The following FTO variants were observed in gnomAD, a reference collection of about 807,000 sequenced individuals.
FTO encodes alpha-ketoglutarate-dependent dioxygenase FTO.
A neutral mutation model predicts 63.9 loss-of-function variants in FTO; 47 were observed. That is an observed-to-expected ratio of 0.74 (90% CI 0.58 to 0.94). The LOEUF is 0.94. Ranked by LOEUF, FTO falls within the 40% of genes least tolerant of loss-of-function variation. The pLI is 0.00. For missense variants in FTO, 562 were observed against 618.1 expected, an observed-to-expected ratio of 0.91 and a Z score of 0.96; for synonymous variants, 207 against 224.4, an observed-to-expected ratio of 0.92 and a Z score of 0.69.
rs915043892 is a variant in FTO, at chr16:54,119,516, A to C, written c.*7601A>C. 6.6e-6 allele frequency: 1 copy of C among 152,036 alleles called. No homozygotes were observed. The allele number at this position is 152,036 out of a possible 1,614,324, so 9.4% of individuals were successfully genotyped here. A position where few individuals can be genotyped will look rare whatever the true frequency, so the allele number is the denominator to read the frequency against. ...GTCAGGAGAGAAGCAAACCAGGTAT[A>C]TAGGATTCCATTATCCTTCCCTCCT... On this transcript the variant is annotated 3_prime_UTR_variant, in exon 9 of 9. Coordinates refer to ENST00000471389, the MANE Select transcript of FTO (RefSeq NM_001080432.3).
At chr16:53,953,465 T>G (rs1208244147) in intron 8 of FTO, among the ~76,000 whole-genome samples, 1 of 152,224 alleles carries the variant, frequency 6.6e-6, no homozygotes, top group African/African-American at 2.4e-5. Context: ...TCAGTCTAAA[T>G]CTGATACAGG....
At chr16:53,869,607 C>T (rs531199794) in intron 4 of FTO, among the ~76,000 whole-genome samples, 7 of 144,166 alleles carry the variant, frequency 4.9e-5, no homozygotes, top group Admixed American at 4.2e-4. Context: ...CTTAATATAT[C>T]CTCATGCTCA....
At chr16:54,103,186 T>G (rs2086675900) in intron 8 of FTO, among the ~76,000 whole-genome samples, 1 of 151,994 alleles carries the variant, frequency 6.6e-6, no homozygotes, top group Non-Finnish European at 1.5e-5. Flanking sequence ...GAAAAATGGA[T>G]GGTATTTATG....
chr16:53,771,983 A>G (rs1400187849), intron 1 of FTO, among the ~76,000 whole-genome samples: 1 of 152,070 alleles, frequency 6.6e-6, no homozygotes, highest in Non-Finnish European at 1.5e-5. Flanking sequence ...TAATGGATGC[A>G]GGGTTTCTTT....
chr16:53,850,217 GT>G (rs1205870283), intron 4 of FTO, among the ~76,000 whole-genome samples: 21 of 152,220 alleles, frequency 1.4e-4, no homozygotes, highest in African/African-American at 4.1e-4. Context: ...CACCTGTCAT[GT>G]TTATTTTCAC....
intron 8 of FTO, among the ~76,000 whole-genome samples, chr16:54,045,285 T>C (rs200265338): frequency 0.012 from 88 of 7,408 alleles, 1 homozygote; most frequent in Middle Eastern, 0.094. Context: ...ATATCACCAC[T>C]GATCCCACAG....
At chr16:53,867,769 A>G (rs564768050) in intron 4 of FTO, among the ~76,000 whole-genome samples, 1 of 152,176 alleles carries the variant, frequency 6.6e-6, no homozygotes, top group East Asian at 1.9e-4. Context: ...TGCCTGCTGT[A>G]TCTGTCGTTT....
At chr16:53,807,064 C>A (rs2078392755) in intron 1 of FTO, among the ~76,000 whole-genome samples, 1 of 152,182 alleles carries the variant, frequency 6.6e-6, no homozygotes, top group South Asian at 2.1e-4. Context: ...CTATTGATAT[C>A]TGATTGATTT....
intron 6 of FTO, among the ~76,000 whole-genome samples, chr16:53,881,188 C>T (rs2080823577): frequency 6.7e-6 from 1 of 150,158 alleles, no homozygotes; most frequent in African/African-American, 2.5e-5. Context: ...GGGACATACA[C>T]ATACAGACCA....
At chr16:54,082,372 A>C (rs1271670627) in intron 8 of FTO, among the ~76,000 whole-genome samples, 12 of 152,190 alleles carry the variant, frequency 7.9e-5, no homozygotes. Context: ...AAAGTTTTAT[A>C]ATATGTAGAA....
At chr16:54,076,630 A>G (rs2085999416) in intron 8 of FTO, among the ~76,000 whole-genome samples, 1 of 152,212 alleles carries the variant, frequency 6.6e-6, no homozygotes, top group Non-Finnish European at 1.5e-5. Flanking sequence ...TTATGTACAT[A>G]TAAATTATGT....
chr16:53,804,571 A>T (rs1009755550), intron 1 of FTO, among the ~76,000 whole-genome samples: 14 of 152,124 alleles, frequency 9.2e-5, no homozygotes, highest in Admixed American at 6.5e-4. Flanking sequence ...CTTCTTATCT[A>T]AAGCAAATAT....
intron 6 of FTO, among the ~76,000 whole-genome samples, chr16:53,885,036 C>T (rs1230722631): frequency 6.6e-6 from 1 of 152,198 alleles, no homozygotes; most frequent in East Asian, 1.9e-4. Context: ...GGGAGGAAGA[C>T]CCAACTCCTG....
chr16:53,780,368 C>T (rs1265855658), intron 1 of FTO, among the ~76,000 whole-genome samples: 1 of 152,138 alleles, frequency 6.6e-6, no homozygotes, highest in African/African-American at 2.4e-5. Flanking sequence ...TAAAATGACA[C>T]CCACTCAATG....
chr16:53,750,905 A>T (rs113109036), intron 1 of FTO, among the ~76,000 whole-genome samples: 2 of 152,236 alleles, frequency 1.3e-5, no homozygotes, highest in African/African-American at 4.8e-5. Flanking sequence ...CCAAAAACAA[A>T]TTACGAAGGT....
intron 8 of FTO, among the ~76,000 whole-genome samples, chr16:53,959,851 C>T (rs1442515750): frequency 6.6e-6 from 1 of 151,958 alleles, no homozygotes; most frequent in East Asian, 1.9e-4. Flanking sequence ...GAGGAAGATG[C>T]CCAAAAAAGG....
In FTO at chr16:53,913,095, C is replaced by T. The variant is rs184136264; in HGVS notation, c.1240-20890C>T. On this transcript the variant is annotated intron_variant, in intron 7 of 8. Coordinates refer to ENST00000471389, the MANE Select transcript of FTO (RefSeq NM_001080432.3). ...TCTTCCCCCTTCTATTTTGCTTTGC[C>T]TCATTTCAACTTAAGCAATGAATTG... Among the ~76,000 whole-genome samples, 3 of 152,124 alleles carry T rather than the reference C, an allele frequency of 2.0e-5. No individual in the cohort carries two copies. In the South Asian group the frequency reaches 6.2e-4, roughly 32 times the overall value.
In FTO at chr16:54,084,134, C is replaced by T. The variant is rs73623548; in HGVS notation, c.1365-27628C>T. 8.3e-3 allele frequency among the ~76,000 whole-genome samples: 1,258 copies of T among 152,330 alleles called. 17 individuals are homozygous for T. The highest frequency in any genetic ancestry group is 0.027 in the African/African-American group (1,124 of 41,580). On this transcript the variant is annotated intron_variant, in intron 8 of 8. Coordinates refer to ENST00000471389, the MANE Select transcript of FTO (RefSeq NM_001080432.3). ...GTCTGAAGTCTGAAACTCTTCTTGT[C>T]CCAAGCATTTCAGAGAAGGGATATT...
intron 7 of FTO, among the ~76,000 whole-genome samples, chr16:53,907,484 C>T (rs1258094083): frequency 6.6e-6 from 1 of 152,118 alleles, no homozygotes. Context: ...GCTAACCTGG[C>T]CAATGATAGA....
Sources: gnomAD v4.1 joint callset for allele counts (sites outside exome capture counted in the v4.1 genomes callset) on GRCh38, gnomAD v4.1.1 for gene constraint, MANE v1.5 for transcripts, NCBI Gene and HGNC (gene_info 2026-07-23, HGNC 2026-07-21) for gene names.